NAP1L4: variants seen among roughly 807,000 people sequenced by gnomAD.
The protein encoded by NAP1L4 is nucleosome assembly protein 1 like 4, also known as nucleosome assembly protein 1-like 4.
In NAP1L4, 15 loss-of-function variants were observed where a neutral mutation model predicts 58.2. The observed-to-expected ratio is 0.26, with a 90% CI of 0.17 to 0.40. The LOEUF (loss-of-function observed/expected upper bound fraction) is 0.40, where lower values mean the gene tolerates loss of function less well. Among genes scored for constraint, NAP1L4 ranks in the 10% least tolerant of loss-of-function variants. NAP1L4 has a pLI of 1.00. For synonymous variants in NAP1L4, 171 were observed against 155.6 expected, an observed-to-expected ratio of 1.10 and a Z score of -0.74; for missense variants, 384 against 451.1, an observed-to-expected ratio of 0.85 and a Z score of 1.35.
intron 8 of NAP1L4, among the ~76,000 whole-genome samples, chr11:2,963,556 G>A (rs1564979646): frequency 6.6e-6 from 1 of 152,188 alleles, no homozygotes; most frequent in Non-Finnish European, 1.5e-5. Flanking sequence ...AAGTAGAAGA[G>A]ACAGATACAG....
chr11:2,979,492 G>C (rs1408035291), intron 1 of NAP1L4, among the ~76,000 whole-genome samples: 1 of 152,112 alleles, frequency 6.6e-6, no homozygotes, highest in Non-Finnish European at 1.5e-5. Flanking sequence ...AAATTTCTCG[G>C]CCTGGCGCGG....
At chr11:2,964,484 T>TC (rs1359320243) in intron 8 of NAP1L4, among the ~76,000 whole-genome samples, 196 bp downstream of exon 8, 1 of 152,068 alleles carries the variant, frequency 6.6e-6, no homozygotes, top group African/African-American at 2.4e-5. Context: ...GGCAATGGGA[T>TC]CCCCATCGAA....
Position 2,971,514 on chromosome 11 carries a change from G to A in NAP1L4, c.336C>T (p.Gly112=), listed in dbSNP as rs371630536. Residue 112 remains glycine (G), a synonymous_variant, in exon 6 of 16, where the codon GGC becomes GGT. Transcript: ENST00000380542. This position sits in a 1 kb window ranked among gnomAD's most constrained non-coding sequence, Gnocchi z 4.2. ...ATTCCGCATCTGTTGGTTCAACATC[G>A]CCGGTGATAAATTCTCTTCTCTACA... ...LFDKRREFIT[G]DVEPTDAESE... is the part of the protein sequence containing the mutation. The A allele has an allele frequency of 1.3e-4, 205 of 1,613,432 alleles. No homozygotes were observed. The highest frequency in any genetic ancestry group is 8.0e-4 in the South Asian group (73 of 91,062).
intron 9 of NAP1L4, chr11:2,958,873 C>T (rs947621906): frequency 7.5e-5 from 20 of 266,968 alleles, no homozygotes; most frequent in African/African-American, 2.5e-4. Flanking sequence ...AACTTGTCCG[C>T]GGTTTCCCAA....
At chr11:2,970,329 G>A (rs926216094) in intron 6 of NAP1L4, among the ~76,000 whole-genome samples, 1 of 151,936 alleles carries the variant, frequency 6.6e-6, no homozygotes, top group Non-Finnish European at 1.5e-5. Context: ...AGAACATCTA[G>A]CACTGGGCAA....
At chr11:2,990,103 T>C (rs1315982539) in intron 1 of NAP1L4, 1 of 150,722 alleles carries the variant, frequency 6.6e-6, no homozygotes, top group Admixed American at 6.6e-5. Flanking sequence ...ATTTAAAGCT[T>C]ACACAACAAA....
intron 10 of NAP1L4, among the ~76,000 whole-genome samples, chr11:2,957,841 T>C (rs1038158750): frequency 9.2e-5 from 14 of 152,314 alleles, no homozygotes; most frequent in Non-Finnish European, 1.8e-4. Flanking sequence ...TTACAATATA[T>C]AAATTCCAAA....
At chr11:2,956,239 TTC>T (rs1232214545) in intron 10 of NAP1L4, among the ~76,000 whole-genome samples, 9 of 152,212 alleles carry the variant, frequency 5.9e-5, no homozygotes, top group African/African-American at 2.2e-4. Flanking sequence ...GAAACTGCAT[TTC>T]TGTTTGTTTG....
chr11:2,991,243 G>A (rs917561490), intron 1 of NAP1L4: 2 of 428,900 alleles, frequency 4.7e-6, no homozygotes, highest in Non-Finnish European at 9.7e-6. Context: ...CCCGCAATCA[G>A]ACTTAGAGAA....
chr11:2,981,828 A>G (rs1263608472), intron 1 of NAP1L4: 1 of 153,070 alleles, frequency 6.5e-6, no homozygotes. Context: ...ACTCCGTCTC[A>G]AAAACAAACA....
intron 4 of NAP1L4, among the ~76,000 whole-genome samples, chr11:2,975,398 T>G (rs891804588): frequency 6.6e-6 from 1 of 152,034 alleles, no homozygotes; most frequent in Non-Finnish European, 1.5e-5. Context: ...CTTATCATTT[T>G]CATAGTGCAA....
At chr11:2,966,592 A>C (rs1847299802) in intron 7 of NAP1L4, among the ~76,000 whole-genome samples, 1 of 152,210 alleles carries the variant, frequency 6.6e-6, no homozygotes. Context: ...ACATAAAACA[A>C]AACAAAAACA....
chr11:2,962,681 T>C (rs1459034338), intron 8 of NAP1L4, among the ~76,000 whole-genome samples: 1 of 151,520 alleles, frequency 6.6e-6, no homozygotes, highest in African/African-American at 2.4e-5. Context: ...AAAAAAAAAA[T>C]TACTGGTCCA....
chr11:2,990,868 T>A (rs1459570586), intron 1 of NAP1L4: 2 of 327,654 alleles, frequency 6.1e-6, no homozygotes, highest in Non-Finnish European at 1.2e-5. Flanking sequence ...TTTAGAGGTA[T>A]AGTTACTATT....
chr11:2,957,607 T>C (rs1379999547), intron 10 of NAP1L4, among the ~76,000 whole-genome samples: 1 of 152,236 alleles, frequency 6.6e-6, no homozygotes, highest in Admixed American at 6.5e-5. Context: ...CACTGACAAG[T>C]TGCTTGACCT....
chr11:2,950,396 A>G (rs950596325), intron 14 of NAP1L4, among the ~76,000 whole-genome samples: 2 of 152,260 alleles, frequency 1.3e-5, no homozygotes, highest in Non-Finnish European at 2.9e-5. Context: ...AACTGATGAC[A>G]GAGCCAGAAT....
At chr11:2,961,573 A>G (rs1446931277) in intron 8 of NAP1L4, among the ~76,000 whole-genome samples, 1 of 152,080 alleles carries the variant, frequency 6.6e-6, no homozygotes, top group Non-Finnish European at 1.5e-5. Context: ...CTATGATTCC[A>G]GAACTGTTTA....
chr11:2,979,306 A>G, intron 1 of NAP1L4, 69 bp from the exon 2 acceptor site: 1 of 1,342,084 alleles, frequency 7.5e-7, no homozygotes, highest in Non-Finnish European at 1.1e-6. Flanking sequence ...TACTTTTTAA[A>G]CAACGGTTAT....
chr11:2,973,666 T>C (rs1402758884), intron 4 of NAP1L4, among the ~76,000 whole-genome samples: 4 of 152,152 alleles, frequency 2.6e-5, no homozygotes, highest in Non-Finnish European at 4.4e-5. Flanking sequence ...CTTAACATTC[T>C]AGAACTACTG....
Sources: allele counts gnomAD v4.1 joint callset (sites outside exome capture counted in the v4.1 genomes callset), GRCh38; gene constraint gnomAD v4.1.1; non-coding constraint Gnocchi (gnomAD v3.1); transcripts MANE v1.5; gene names NCBI Gene and HGNC (gene_info 2026-07-23, HGNC 2026-07-21).